The following ASIC2 variants were observed in gnomAD, a reference collection of about 807,000 sequenced individuals.
ASIC2 encodes acid sensing ion channel subunit 2.
ASIC2 carries 25 observed loss-of-function variants against 57.3 expected under a neutral mutation model. The observed-to-expected ratio is 0.44, with a 90% CI of 0.32 to 0.61. ASIC2 has a LOEUF of 0.61. ASIC2 is among the 20% of genes least tolerant of loss of function. The probability of loss-of-function intolerance (pLI) is 0.06; values close to 1 mark genes in which losing one functional copy is unlikely to be tolerated. For synonymous variants in ASIC2, 319 were observed against 307.5 expected (o/e 1.04, Z -0.39); for missense variants, 641 against 738.1 (o/e 0.87, Z 1.52).
chr17:33,675,235 T>C (rs2142053926), intron 1 of ASIC2, among the ~76,000 whole-genome samples: 1 of 152,356 alleles, frequency 6.6e-6, no homozygotes, highest in Non-Finnish European at 1.5e-5. Context: ...TCCATCTACC[T>C]GAAATCTTCC....
intron 1 of ASIC2, among the ~76,000 whole-genome samples, chr17:33,507,774 A>G (rs1914310144): frequency 6.6e-6 from 1 of 152,166 alleles, no homozygotes; most frequent in South Asian, 2.1e-4. Context: ...CTGGTGGCAC[A>G]TATGCCTCTA....
At chr17:33,864,451 A>G (rs947286795) in intron 1 of ASIC2, among the ~76,000 whole-genome samples, 3 of 152,250 alleles carry the variant, frequency 2.0e-5, no homozygotes, top group Non-Finnish European at 4.4e-5. Flanking sequence ...CCGATAGGGC[A>G]GGTAGTTAGC....
chr17:33,375,648 G>A (rs964666114), intron 1 of ASIC2, among the ~76,000 whole-genome samples: 4 of 152,200 alleles, frequency 2.6e-5, no homozygotes, highest in African/African-American at 9.7e-5. Flanking sequence ...GACCAGTTTG[G>A]AGGCTCCAAA....
intron 1 of ASIC2, among the ~76,000 whole-genome samples, chr17:33,960,745 G>T (rs934804194): frequency 1.3e-5 from 2 of 152,014 alleles, no homozygotes; most frequent in Non-Finnish European, 2.9e-5. Context: ...TAAGTCCTAC[G>T]ATTCCTTCAA....
intron 1 of ASIC2, among the ~76,000 whole-genome samples, chr17:33,546,721 A>G (rs1915589405): frequency 6.6e-6 from 1 of 152,094 alleles, no homozygotes; most frequent in Admixed American, 6.6e-5. Context: ...TACCTCCTCC[A>G]GCCCTTGGTT....
chr17:33,292,582 A>C lies in ASIC2; in HGVS notation c.-467T>G. 1 of 985,648 alleles carries C rather than the reference A, an allele frequency of 1.0e-6. No individual in the cohort carries two copies. Among genetic ancestry groups the C allele is most frequent in the Non-Finnish European group, 1.2e-6 (1 of 830,194 alleles). 61.1% of individuals were successfully genotyped at this position (985,648 alleles called of 1,614,324 possible). A position where few individuals can be genotyped will look rare whatever the true frequency, so the allele number is the denominator to read the frequency against. On this transcript the variant is annotated 5_prime_UTR_variant, in exon 1 of 10. It removes an upstream start codon present in the reference 5' UTR. Transcript: ENST00000225823. Reference sequence around the variant, plus strand: ...CTGGGAGAAGGGCCACTCGGCCACCATGCCTGATCTGGACATCCCCAGGGA... The same window carrying C: ...CTGGGAGAAGGGCCACTCGGCCACCCTGCCTGATCTGGACATCCCCAGGGA...
At chr17:34,035,275 A>T (rs1258874413) in intron 1 of ASIC2, among the ~76,000 whole-genome samples, 1 of 145,500 alleles carries the variant, frequency 6.9e-6, no homozygotes, top group Non-Finnish European at 1.5e-5. Context: ...TTCCCTATTT[A>T]ATAAATGGTG....
intron 1 of ASIC2, among the ~76,000 whole-genome samples, chr17:33,560,422 T>C (rs939782605): frequency 6.6e-6 from 1 of 152,210 alleles, no homozygotes; most frequent in African/African-American, 2.4e-5. Flanking sequence ...TATGAGTTGA[T>C]TAAATAAATC....
chr17:33,826,993 G>A (rs1430289287), intron 1 of ASIC2, among the ~76,000 whole-genome samples: 3 of 152,164 alleles, frequency 2.0e-5, no homozygotes, highest in Non-Finnish European at 4.4e-5. Flanking sequence ...AAGGGGTTGG[G>A]CACATAAAGT....
intron 7 of ASIC2, 137 bp from the exon 8 acceptor site, chr17:33,017,821 G>A: frequency 1.4e-6 from 1 of 719,842 alleles, no homozygotes; most frequent in South Asian, 1.9e-5. Flanking sequence ...GGAGGTCCAG[G>A]CCTTTGGCAG....
intron 1 of ASIC2, among the ~76,000 whole-genome samples, chr17:33,660,993 G>C (rs538021394): frequency 6.6e-6 from 1 of 152,256 alleles, no homozygotes; most frequent in East Asian, 1.9e-4. Flanking sequence ...GTTTCACCAA[G>C]CTGCCCTTCA....
At chr17:33,111,386 A>G (rs931859050) in intron 2 of ASIC2, among the ~76,000 whole-genome samples, 3 of 152,212 alleles carry the variant, frequency 2.0e-5, no homozygotes, top group Admixed American at 6.5e-5. Flanking sequence ...TGCATGAAAT[A>G]AGCTTTAGGG....
At chr17:33,879,284 A>T (rs1234023726) in intron 1 of ASIC2, among the ~76,000 whole-genome samples, 2 of 152,206 alleles carry the variant, frequency 1.3e-5, no homozygotes, top group Non-Finnish European at 2.9e-5. Context: ...AAATGGGCTA[A>T]ATGCTCCAAT....
At chr17:33,155,646 G>C (rs796130836) in intron 1 of ASIC2, among the ~76,000 whole-genome samples, 1 of 147,432 alleles carries the variant, frequency 6.8e-6, no homozygotes, top group Non-Finnish European at 1.5e-5. Context: ...TGCAACCTCA[G>C]CCTCCCGGGT....
chr17:33,965,487 A>G (rs1567771600), intron 1 of ASIC2, among the ~76,000 whole-genome samples: 1 of 152,236 alleles, frequency 6.6e-6, no homozygotes, highest in Non-Finnish European at 1.5e-5. Flanking sequence ...TCCAAGAGTC[A>G]CAGATGAGAA....
At chr17:33,152,151 G>A (rs1320136427) in intron 1 of ASIC2, among the ~76,000 whole-genome samples, 1 of 152,124 alleles carries the variant, frequency 6.6e-6, no homozygotes, top group Non-Finnish European at 1.5e-5. Flanking sequence ...TTTTACAGAT[G>A]AGGAACCAAA....
chr17:33,584,690 TTGGGG>T (rs10585486), intron 1 of ASIC2, among the ~76,000 whole-genome samples: 74,898 of 151,178 alleles, frequency 0.5, 19,032 homozygotes, highest in African/African-American at 0.62. Flanking sequence ...AAGTCAGATC[TTGGGG>T]TGGGGTTTGA....
intron 1 of ASIC2, among the ~76,000 whole-genome samples, chr17:33,643,102 C>T (rs72811178): frequency 0.052 from 7,889 of 152,002 alleles, 209 homozygotes; most frequent in South Asian, 0.12. Context: ...AGTGACCCAG[C>T]GCATTTATGC....
intron 1 of ASIC2, among the ~76,000 whole-genome samples, chr17:33,799,191 A>T (rs1912006118): frequency 6.6e-6 from 1 of 151,806 alleles, no homozygotes; most frequent in Non-Finnish European, 1.5e-5. Context: ...TAACTCAGAG[A>T]TATATTTGTG....
Sources: allele counts gnomAD v4.1 joint callset (sites outside exome capture counted in the v4.1 genomes callset), GRCh38; gene constraint gnomAD v4.1.1; transcripts MANE v1.5; gene names NCBI Gene and HGNC (gene_info 2026-07-23, HGNC 2026-07-21).